The following MYPN variants were observed in gnomAD, a reference collection of about 807,000 sequenced individuals.
MYPN encodes sarcomeric protein myopalladin, 145 kDa (MYOP).
A neutral mutation model predicts 129.4 loss-of-function variants in MYPN; 63 were observed. The ratio of observed to expected loss-of-function variants is 0.49; its 90% CI spans 0.40 to 0.60. The LOEUF (loss-of-function observed/expected upper bound fraction) is 0.60. MYPN is among the 20% of genes least tolerant of loss of function. The pLI, the probability that MYPN is intolerant of heterozygous loss-of-function variation, is 0.00. For missense variants in MYPN, 1,596 were observed against 1,635.4 expected (o/e 0.98, Z 0.42); for synonymous variants, 629 against 600.9 (o/e 1.05, Z -0.68).
intron 2 of MYPN, among the ~76,000 whole-genome samples, chr10:68,139,856 A>G (rs2042547468): frequency 6.6e-6 from 1 of 152,230 alleles, no homozygotes; most frequent in African/African-American, 2.4e-5. Context: ...AGGTGCTGAC[A>G]TTGTAGTGGT....
intron 1 of MYPN, among the ~76,000 whole-genome samples, chr10:68,096,743 C>T (rs187438278): frequency 4.5e-4 from 68 of 152,244 alleles, no homozygotes; most frequent in African/African-American, 1.6e-3. Context: ...ATGCATTCAA[C>T]GGTAGTCTAT....
chr10:68,166,993 C>T (rs1250980444), intron 10 of MYPN, among the ~76,000 whole-genome samples: 3 of 152,016 alleles, frequency 2.0e-5, no homozygotes, highest in Non-Finnish European at 2.9e-5. Context: ...GAGCTGTGAT[C>T]GTGCCACTGT....
intron 17 of MYPN, among the ~76,000 whole-genome samples, chr10:68,201,530 G>T (rs2043710479): frequency 6.6e-6 from 1 of 152,134 alleles, no homozygotes; most frequent in South Asian, 2.1e-4. Flanking sequence ...ACTTTGGGAG[G>T]CCAAGGCGGG....
intron 12 of MYPN, among the ~76,000 whole-genome samples, chr10:68,182,086 C>T (rs941453309): frequency 6.6e-6 from 1 of 151,666 alleles, no homozygotes; most frequent in Non-Finnish European, 1.5e-5. Flanking sequence ...TTTGAAATTT[C>T]TGAATAATAA....
intron 7 of MYPN, among the ~76,000 whole-genome samples, chr10:68,159,937 T>G (rs916741386): frequency 1.3e-5 from 2 of 152,248 alleles, no homozygotes; most frequent in African/African-American, 4.8e-5. Flanking sequence ...ATTGAGCTAA[T>G]GAACATACGT....
chr10:68,199,045 A>T lies in MYPN; in HGVS notation c.3286-323A>T, dbSNP rs118073451. Among the ~76,000 whole-genome samples, 5 of 152,126 alleles carry T rather than the reference A, an allele frequency of 3.3e-5. No individual in the cohort carries two copies. In the East Asian group the frequency reaches 9.7e-4, roughly 29 times the overall value. On this transcript the variant is annotated intron_variant, in intron 16 of 19. Transcript: ENST00000358913. Reference sequence around the variant, plus strand: ...TTTTCTCTTGGCTATTAGGTATGTAAGCAGTATATCATCTCTGAAATTGAT... The same window carrying T: ...TTTTCTCTTGGCTATTAGGTATGTATGCAGTATATCATCTCTGAAATTGAT...
intron 12 of MYPN, among the ~76,000 whole-genome samples, chr10:68,187,721 T>C (rs1358155493): frequency 6.6e-6 from 1 of 152,078 alleles, no homozygotes; most frequent in African/African-American, 2.4e-5. Flanking sequence ...GCAGAAAGTA[T>C]CTGAAGCTAG....
rs1469159904 is a variant in MYPN at position 68,169,031 on chromosome 10, A to G, written c.1973+2365A>G. Among the ~76,000 whole-genome samples, 3 of 138,418 alleles carry G rather than the reference A, an allele frequency of 2.2e-5. No individual in the cohort carries two copies. The Admixed American group carries it at 2.2e-4, about 10-fold the overall frequency. 90.8% of individuals were successfully genotyped at this position (138,418 alleles called of 152,430 possible). On this transcript the variant is annotated intron_variant, in intron 10 of 19. Transcript: ENST00000358913. The stretch of plus-strand genomic sequence containing the variant: ...AAAAAAAAAAAAAAAGACCTGTTTC[A>G]TGAGATTTTATGGCTTGTAGAAGTG...
intron 2 of MYPN, among the ~76,000 whole-genome samples, chr10:68,139,070 G>A (rs1284631729): frequency 1.3e-5 from 2 of 152,058 alleles, no homozygotes; most frequent in Admixed American, 6.6e-5. Context: ...AATCCCTTTA[G>A]AAGCCCTTCT....
chr10:68,155,884 G>A (rs1254740461), intron 6 of MYPN, among the ~76,000 whole-genome samples: 1 of 152,178 alleles, frequency 6.6e-6, no homozygotes, highest in African/African-American at 2.4e-5. Flanking sequence ...GACATTAGGA[G>A]GCCCATTCCA....
At chr10:68,103,722 G>A (rs1324020435), upstream of MYPN, among the ~76,000 whole-genome samples, 1 of 152,172 alleles carries the variant, frequency 6.6e-6, no homozygotes, top group Admixed American at 6.5e-5. Flanking sequence ...GGCTGATGTG[G>A]GCAGATCACC....
At chr10:68,110,597 A>C (rs966723249) in intron 1 of MYPN, among the ~76,000 whole-genome samples, 1 of 152,238 alleles carries the variant, frequency 6.6e-6, no homozygotes, top group Non-Finnish European at 1.5e-5. Context: ...TGATTCAATT[A>C]CTTTTACTTT....
chr10:68,137,572 C>A (rs550205897), intron 2 of MYPN, among the ~76,000 whole-genome samples: 1 of 152,112 alleles, frequency 6.6e-6, no homozygotes, highest in Non-Finnish European at 1.5e-5. Flanking sequence ...TAATGCAGAT[C>A]TTCCAAAAGG....
intron 1 of MYPN, among the ~76,000 whole-genome samples, chr10:68,093,685 A>C (rs1202565202): frequency 6.6e-6 from 1 of 150,560 alleles, no homozygotes; most frequent in Admixed American, 6.6e-5. Context: ...TGAACCCCGG[A>C]GGCGGAGCTT....
At chr10:68,191,221 T>TC (rs1206346266) in intron 13 of MYPN, among the ~76,000 whole-genome samples, 2 of 151,164 alleles carry the variant, frequency 1.3e-5, no homozygotes, top group African/African-American at 4.8e-5. Flanking sequence ...TATTTCTTTT[T>TC]TTTTTTTCTT....
upstream of MYPN, chr10:68,106,668 T>TA (rs543263308): frequency 4.5e-4 from 323 of 713,192 alleles, no homozygotes; most frequent in Middle Eastern, 2.3e-3. Flanking sequence ...TATAGCGATA[T>TA]AAAAAAATAG....
intron 17 of MYPN, among the ~76,000 whole-genome samples, chr10:68,199,935 A>G (rs1389010018): frequency 2.0e-5 from 3 of 152,168 alleles, no homozygotes; most frequent in Non-Finnish European, 4.4e-5. Context: ...CTTTGCACCA[A>G]TGATCCCTCT....
At position 68,134,232 on chromosome 10, in the gene MYPN, G is replaced by A. The variant is rs1392311377; in HGVS notation, c.903-8708G>A. ...TATCAGGGACTATTCCAAATACTTG[G>A]GATTCATCAGTAAATAAAGCAAAGT... On this transcript the variant is annotated intron_variant, in intron 2 of 19. Transcript: ENST00000358913. 2.0e-5 allele frequency among the ~76,000 whole-genome samples: 3 copies of A among 151,874 alleles called. No individual in the cohort carries two copies. In the South Asian group the frequency reaches 6.2e-4, roughly 32 times the overall value.
chr10:68,169,310 A>C (rs1173790065), intron 10 of MYPN, among the ~76,000 whole-genome samples: 3 of 150,868 alleles, frequency 2.0e-5, no homozygotes, highest in African/African-American at 7.3e-5. Flanking sequence ...GTGGGCCAAG[A>C]TCGCGTTACT....
Sources: allele counts gnomAD v4.1 joint callset (sites outside exome capture counted in the v4.1 genomes callset), GRCh38; gene constraint gnomAD v4.1.1; transcripts MANE v1.5; gene names NCBI Gene and HGNC (gene_info 2026-07-23, HGNC 2026-07-21).